Variants in LSAMP observed in about 807,000 individuals in gnomAD.
LSAMP encodes limbic system associated membrane protein.
LSAMP carries 7 observed loss-of-function variants against 38.6 expected under a neutral mutation model. That is an observed-to-expected ratio of 0.18 (90% confidence interval 0.10 to 0.34). The LOEUF is 0.34. LSAMP is among the 10% of genes least tolerant of loss of function. The pLI, the probability that LSAMP is intolerant of heterozygous loss-of-function variation, is 1.00. For synonymous variants in LSAMP, 154 were observed against 166.8 expected, an observed-to-expected ratio of 0.92 and a Z score of 0.59; for missense variants, 313 against 420.0, an observed-to-expected ratio of 0.75 and a Z score of 2.23.
chr3:115,925,444 G>C (rs1664275839), intron 3 of LSAMP, among the ~76,000 whole-genome samples: 1 of 152,160 alleles, frequency 6.6e-6, no homozygotes, highest in Admixed American at 6.5e-5. Context: ...TAGTTTTAAA[G>C]TATGAGGCAG....
chr3:116,287,871 C>T (rs1367055157), intron 1 of LSAMP, among the ~76,000 whole-genome samples: 1 of 150,668 alleles, frequency 6.6e-6, no homozygotes, highest in African/African-American at 2.5e-5. Context: ...GGGCAGCCTC[C>T]CTGGCTAAGA....
chr3:116,162,768 T>TACACAC (rs71141856), intron 1 of LSAMP, among the ~76,000 whole-genome samples: 7,778 of 147,326 alleles, frequency 0.053, 228 homozygotes, highest in Middle Eastern at 0.092. Context: ...CACACACTTA[T>TACACAC]ACACACACAC....
chr3:116,074,635 T>C (rs1707692947), intron 2 of LSAMP, among the ~76,000 whole-genome samples: 1 of 152,168 alleles, frequency 6.6e-6, no homozygotes, highest in South Asian at 2.1e-4. Flanking sequence ...TCAGTTTTCC[T>C]ACTAACTTGT....
chr3:116,063,135 G>A (rs1373122135), intron 2 of LSAMP, among the ~76,000 whole-genome samples: 1 of 151,888 alleles, frequency 6.6e-6, no homozygotes, highest in Non-Finnish European at 1.5e-5. Context: ...AAATACCTTG[G>A]ATTCAGGGAG....
intron 1 of LSAMP, among the ~76,000 whole-genome samples, chr3:116,217,149 G>T (rs2046229443): frequency 6.6e-6 from 1 of 152,240 alleles, no homozygotes; most frequent in Admixed American, 6.5e-5. Flanking sequence ...GGCTGTTCTG[G>T]TACGAGCCCC....
At chr3:116,400,436 C>T (rs760584101) in intron 1 of LSAMP, among the ~76,000 whole-genome samples, 2 of 147,450 alleles carry the variant, frequency 1.4e-5, no homozygotes. Flanking sequence ...CCCTCCCTCC[C>T]TCCTTCCTTC....
chr3:115,993,506 A>G (rs149604314), intron 3 of LSAMP, among the ~76,000 whole-genome samples: 1 of 152,184 alleles, frequency 6.6e-6, no homozygotes, highest in African/African-American at 2.4e-5. Context: ...AAATTCATCT[A>G]TTCCACTTTT....
At chr3:116,172,822 G>C (rs964110371) in intron 1 of LSAMP, among the ~76,000 whole-genome samples, 10 of 151,928 alleles carry the variant, frequency 6.6e-5, no homozygotes, top group Non-Finnish European at 1.2e-4. Context: ...ATAACCTAAA[G>C]GTAAGGGTTG....
chr3:115,985,515 C>T (rs531421768), intron 3 of LSAMP, among the ~76,000 whole-genome samples: 7 of 152,184 alleles, frequency 4.6e-5, no homozygotes, highest in African/African-American at 1.4e-4. Context: ...CAGTGATTCT[C>T]GCCTCCTGAT....
chr3:115,856,429 C>T (rs978468049), intron 3 of LSAMP, among the ~76,000 whole-genome samples: 10 of 152,026 alleles, frequency 6.6e-5, no homozygotes, highest in African/African-American at 2.4e-4. Context: ...ACCAGCCAGG[C>T]CAACATGGTG....
Position 115,864,047 on chromosome 3 carries a change from T to C in LSAMP, c.515-11430A>G, listed in dbSNP as rs574540092. Among the ~76,000 whole-genome samples, 35 of 152,300 alleles carry C rather than the reference T, an allele frequency of 2.3e-4. No individual in the cohort carries two copies. In the South Asian group the frequency reaches 6.6e-3, roughly 29 times the overall value. On this transcript the variant is annotated intron_variant, in intron 3 of 6. Transcript: ENST00000490035. ...GCATTGTGTGTTGTAACCTACCTCCTGTACTGTTCAACTGTGGCTATTAAA... is the reference window on the plus strand; with the variant it reads ...GCATTGTGTGTTGTAACCTACCTCCCGTACTGTTCAACTGTGGCTATTAAA...
intron 3 of LSAMP, among the ~76,000 whole-genome samples, chr3:115,872,184 G>A (rs1044429070): frequency 3.9e-5 from 6 of 152,128 alleles, no homozygotes; most frequent in Admixed American, 2.0e-4. Flanking sequence ...GGGTGAAGAA[G>A]TGATAAAATG....
chr3:115,981,184 G>A (rs1939349816), intron 3 of LSAMP, among the ~76,000 whole-genome samples: 1 of 152,120 alleles, frequency 6.6e-6, no homozygotes, highest in Non-Finnish European at 1.5e-5. Context: ...TAAGTTCAGC[G>A]ATCAATCAGA....
chr3:116,329,223 A>G (rs1245344608), intron 1 of LSAMP, among the ~76,000 whole-genome samples: 1 of 152,182 alleles, frequency 6.6e-6, no homozygotes, highest in Non-Finnish European at 1.5e-5. Flanking sequence ...ACAACAGCCC[A>G]GTGAATTTTA....
At chr3:115,961,265 G>A (rs970874798) in intron 3 of LSAMP, among the ~76,000 whole-genome samples, 4 of 152,186 alleles carry the variant, frequency 2.6e-5, no homozygotes, top group Admixed American at 6.5e-5. Flanking sequence ...AAAGTCAGAA[G>A]AGACAGTGGG....
At chr3:116,173,736 T>A (rs953883746) in intron 1 of LSAMP, among the ~76,000 whole-genome samples, 6 of 151,924 alleles carry the variant, frequency 3.9e-5, no homozygotes, top group Non-Finnish European at 7.4e-5. Flanking sequence ...ATTTAACATT[T>A]TATGTCCTGC....
chr3:116,417,427 T>C (rs1345864977), intron 1 of LSAMP, among the ~76,000 whole-genome samples: 1 of 152,150 alleles, frequency 6.6e-6, no homozygotes. Context: ...GATTAATCAA[T>C]CCAAGACAAC....
rs545966488 is a variant in LSAMP, at chr3:116,243,465, A to AT, written c.156-156910dup. Among the ~76,000 whole-genome samples, 593 of 152,240 alleles carry AT rather than the reference A, an allele frequency of 3.9e-3. 4 individuals carry two copies. Among genetic ancestry groups the AT allele is most frequent in the African/African-American group, 0.013 (559 of 41,536 alleles). On this transcript the variant is annotated intron_variant, in intron 1 of 6. Transcript: ENST00000490035. Reference sequence around the variant, plus strand: ...GTATTAGAAGAAAATGGATTATTCTATTTTTTTCACTTTTCTATGTGTTAG... The same window carrying AT: ...GTATTAGAAGAAAATGGATTATTCTATTTTTTTTCACTTTTCTATGTGTTAG...
At chr3:115,916,945 C>T (rs573195045) in intron 3 of LSAMP, among the ~76,000 whole-genome samples, 1 of 152,272 alleles carries the variant, frequency 6.6e-6, no homozygotes, top group Non-Finnish European at 1.5e-5. Flanking sequence ...CTTACAAAGG[C>T]TAGCTTCATT....
Sources: gnomAD v4.1 joint callset for allele counts (sites outside exome capture counted in the v4.1 genomes callset) on GRCh38, gnomAD v4.1.1 for gene constraint, MANE v1.5 for transcripts, NCBI Gene and HGNC (gene_info 2026-07-23, HGNC 2026-07-21) for gene names.